Variants in NUDT3 observed in about 807,000 individuals in gnomAD.
The protein encoded by NUDT3 is diphosphoinositol polyphosphate phosphohydrolase 1.
NUDT3 carries 9 observed loss-of-function variants against 23.6 expected under a neutral mutation model. The observed-to-expected ratio is 0.38, with a 90% CI of 0.23 to 0.66. NUDT3 has a LOEUF of 0.66. NUDT3 is among the 30% of genes least tolerant of loss of function. The pLI, the probability that NUDT3 is intolerant of heterozygous loss-of-function variation, is 0.52. For missense variants in NUDT3, 172 were observed against 218.5 expected (o/e 0.79, Z 1.34); for synonymous variants, 86 against 82.6 (o/e 1.04, Z -0.22).
intron 2 of NUDT3, among the ~76,000 whole-genome samples, chr6:34,341,248 C>T (rs1180725296): frequency 1.3e-5 from 2 of 151,858 alleles, no homozygotes; most frequent in Non-Finnish European, 2.9e-5. Context: ...TTCCCCCAGG[C>T]TGTAAATTCT....
At chr6:34,354,303 G>A (rs1008636727) in intron 1 of NUDT3, among the ~76,000 whole-genome samples, 3 of 151,928 alleles carry the variant, frequency 2.0e-5, no homozygotes, top group Non-Finnish European at 4.4e-5. Flanking sequence ...GAGCCACTGG[G>A]CCTGGCCAGG....
chr6:34,374,392 CCT>C (rs1764888258), intron 1 of NUDT3, among the ~76,000 whole-genome samples: 2 of 152,224 alleles, frequency 1.3e-5, no homozygotes, highest in African/African-American at 4.8e-5. Context: ...TTCAGGTCTT[CCT>C]CTCTTTCCAT....
rs200954440 is a variant in NUDT3, at chr6:34,342,289, C to CAAAAAAAAAAAAAAAAA, written c.100-334_100-318dup. On this transcript the variant is annotated intron_variant, in intron 1 of 4. Transcript: ENST00000607016. ...ACCTGACAAGGTGAATAGAAGACTT[C>CAAAAAAAAAAAAAAAAA]AAAAAAAAAAAAAAAAAAAAAAAAA... 9.0e-5 allele frequency among the ~76,000 whole-genome samples: 6 copies of CAAAAAAAAAAAAAAAAA among 66,490 alleles called. 1 individual carries two copies. The highest frequency in any genetic ancestry group is 2.7e-4 in the African/African-American group (6 of 22,012). 43.6% of individuals were successfully genotyped at this position (66,490 alleles called of 152,430 possible).
chr6:34,303,059 A>C (rs934638779), intron 2 of NUDT3, among the ~76,000 whole-genome samples: 1 of 152,176 alleles, frequency 6.6e-6, no homozygotes, highest in Non-Finnish European at 1.5e-5. Context: ...TATAAATGCC[A>C]AAAATCAGTT....
At chr6:34,389,834 G>A (rs1765166812) in intron 1 of NUDT3, among the ~76,000 whole-genome samples, 1 of 151,890 alleles carries the variant, frequency 6.6e-6, no homozygotes, top group African/African-American at 2.4e-5. Flanking sequence ...CGTGGTCGCG[G>A]GCACCTGTAG....
At chr6:34,316,842 A>G (rs1283175229) in intron 2 of NUDT3, among the ~76,000 whole-genome samples, 1 of 152,184 alleles carries the variant, frequency 6.6e-6, no homozygotes, top group Non-Finnish European at 1.5e-5. Context: ...TGAGGGCTTC[A>G]GCTTAGAAAG....
Position 34,305,465 on chromosome 6 carries a change from C to T in NUDT3, c.211-9780G>A, listed in dbSNP as rs115253004. 4.4e-3 allele frequency among the ~76,000 whole-genome samples: 663 copies of T among 152,226 alleles called. 2 individuals carry two copies. The highest frequency in any genetic ancestry group is 0.015 in the African/African-American group (624 of 41,538). ...TCTGTCTTCCTATTTATCAGTCTTGCCAGAAGTTTATCTATTTTATTAGAC... is the reference window on the plus strand; with the variant it reads ...TCTGTCTTCCTATTTATCAGTCTTGTCAGAAGTTTATCTATTTTATTAGAC... On this transcript the variant is annotated intron_variant, in intron 2 of 4. Coordinates refer to ENST00000607016, the MANE Select transcript of NUDT3 (RefSeq NM_006703.4).
chr6:34,289,843 C>G (rs1314544087), intron 4 of NUDT3, among the ~76,000 whole-genome samples: 2 of 152,146 alleles, frequency 1.3e-5, no homozygotes, highest in Non-Finnish European at 2.9e-5. Context: ...AAAAACCACT[C>G]TCAATACCCT....
intron 1 of NUDT3, among the ~76,000 whole-genome samples, chr6:34,357,425 C>A (rs1469996706): frequency 6.6e-6 from 1 of 151,818 alleles, no homozygotes; most frequent in Non-Finnish European, 1.5e-5. Flanking sequence ...CCAGCCTGGA[C>A]AACAGGGCAA....
At chr6:34,321,148 T>TAAC (rs1763935966) in intron 2 of NUDT3, among the ~76,000 whole-genome samples, 2 of 151,820 alleles carry the variant, frequency 1.3e-5, no homozygotes, top group African/African-American at 4.8e-5. Flanking sequence ...ATAATATGTG[T>TAAC]TGTCTCAGGC....
intron 1 of NUDT3, 56 bp from the exon 2 acceptor site, chr6:34,342,028 C>G: frequency 6.6e-7 from 1 of 1,512,328 alleles, no homozygotes; most frequent in South Asian, 1.2e-5. Flanking sequence ...CACATCCACA[C>G]AAATTCAGAG....
intron 4 of NUDT3, among the ~76,000 whole-genome samples, chr6:34,289,467 T>G (rs1763384708): frequency 6.6e-6 from 1 of 152,158 alleles, no homozygotes; most frequent in Non-Finnish European, 1.5e-5. Context: ...CCCAGGAGGC[T>G]GAGGTGGGAG....
intron 1 of NUDT3, among the ~76,000 whole-genome samples, chr6:34,391,415 T>C (rs1765196824): frequency 6.6e-6 from 1 of 152,224 alleles, no homozygotes; most frequent in Admixed American, 6.5e-5. Context: ...CTTCTCTGAA[T>C]TCCCTTCATC....
At position 34,372,283 on chromosome 6, in the gene NUDT3, G is replaced by A. The variant is rs539610494; in HGVS notation, c.99+19981C>T. Among the ~76,000 whole-genome samples, 7 of 152,216 alleles carry A rather than the reference G, an allele frequency of 4.6e-5. No individual in the cohort carries two copies. In the East Asian group the frequency reaches 1.4e-3, roughly 30 times the overall value. On this transcript the variant is annotated intron_variant, in intron 1 of 4. Coordinates refer to ENST00000607016, the MANE Select transcript of NUDT3 (RefSeq NM_006703.4). ...CAGTAATGGGATGGCTGGGTCAAAT[G>A]GTATTTCTAGTTCTAGATCCTTGAG...
At chr6:34,363,417 A>G (rs1199347430) in intron 1 of NUDT3, among the ~76,000 whole-genome samples, 2 of 152,218 alleles carry the variant, frequency 1.3e-5, no homozygotes, top group African/African-American at 2.4e-5. Context: ...TAAAGGGCAG[A>G]CTTAACTGCT....
chr6:34,297,827 C>T (rs1222674634), intron 2 of NUDT3, among the ~76,000 whole-genome samples: 1 of 141,810 alleles, frequency 7.1e-6, no homozygotes. Context: ...GAACTCCTGA[C>T]CTCATGATCT....
intron 2 of NUDT3, among the ~76,000 whole-genome samples, chr6:34,327,751 T>C (rs1764063812): frequency 6.6e-6 from 1 of 151,976 alleles, no homozygotes; most frequent in African/African-American, 2.4e-5. Flanking sequence ...AAGAAGCAGG[T>C]GAAGCAGAGT....
intron 2 of NUDT3, among the ~76,000 whole-genome samples, chr6:34,329,096 G>A (rs1435338884): frequency 6.6e-6 from 1 of 152,110 alleles, no homozygotes; most frequent in African/African-American, 2.4e-5. Flanking sequence ...GATTTTTTAA[G>A]TGTTCTACTC....
intron 2 of NUDT3, among the ~76,000 whole-genome samples, chr6:34,303,894 TGG>T (rs2113703520): frequency 6.6e-6 from 1 of 152,300 alleles, no homozygotes; most frequent in South Asian, 2.1e-4. Context: ...GAGAGCTGAG[TGG>T]CTAAAACAGA....
Sources: allele counts gnomAD v4.1 joint callset (sites outside exome capture counted in the v4.1 genomes callset), GRCh38; gene constraint gnomAD v4.1.1; transcripts MANE v1.5; gene names NCBI Gene and HGNC (gene_info 2026-07-23, HGNC 2026-07-21).